Variants in GNPTG observed in about 807,000 individuals in gnomAD.
GNPTG encodes the protein N-acetylglucosamine-1-phosphotransferase subunit gamma.
Under a neutral mutation model 43.8 loss-of-function variants are expected in GNPTG, and 46 were observed. That is an observed-to-expected ratio of 1.05 (90% confidence interval 0.83 to 1.34). The LOEUF is 1.34. GNPTG is among the 40% of genes most tolerant of loss of function. The probability of loss-of-function intolerance (pLI) is 0.00; values close to 1 mark genes in which losing one functional copy is unlikely to be tolerated. For missense variants in GNPTG, 549 were observed against 411.3 expected (o/e 1.33, Z -2.90); for synonymous variants, 250 against 172.8 (o/e 1.45, Z -3.50).
In GNPTG at chr16:1,362,310, C is replaced by A. The variant is rs377440797; in HGVS notation, c.516C>A (p.His172Gln). 2 of 1,613,058 alleles carry A rather than the reference C, an allele frequency of 1.2e-6. No individual in the cohort carries two copies. Among genetic ancestry groups the A allele is most frequent in the East Asian group, 4.5e-5 (2 of 44,886 alleles). ...AGACCCCCCTCGTCTGCCACCCCCA[C>A]GCCTTGCTAGGTAGGGGTGCGGGAC... ...TFETPLVCHPHALLVYPTLPE... is the reference protein window; with the variant it reads ...TFETPLVCHPQALLVYPTLPE... The change falls in exon 7 of 11, where the codon CAC becomes CAA. Residue 172 changes from histidine (H) to glutamine (Q), a missense_variant. Transcript: ENST00000204679.
At position 1,361,921 on chromosome 16, in the gene GNPTG, A is replaced by G; in HGVS notation, c.283A>G (p.Thr95Ala). 6.2e-7 allele frequency: 1 copy of G among 1,613,614 alleles called. No homozygotes were observed. The highest frequency in any genetic ancestry group is 8.5e-7 in the Non-Finnish European group (1 of 1,180,014). Residue 95 changes from threonine to alanine, a missense_variant, in exon 5 of 11, where the codon ACC becomes GCC. By Grantham distance (58) the Thr-to-Ala change is moderately conservative. Transcript: ENST00000204679. ...PFHNVTQHEQTFRWNAYSGIL... is the reference protein window; with the variant it reads ...PFHNVTQHEQAFRWNAYSGIL... ...CCACAACGTGACCCAGCACGAGCAG[A>G]CCTTCCGCTGGAACGCCTACAGTGG... is the stretch of plus-strand genomic sequence containing the variant.
At position 1,362,275 on chromosome 16, in the gene GNPTG, C is replaced by T. The variant is rs1435870730; in HGVS notation, c.481C>T (p.Leu161=). The change falls in exon 7 of 11, where the codon CTG becomes TTG. Residue 161 remains leucine, a synonymous_variant. Transcript: ENST00000204679. ...VSEPSTCVYA[L]TFETPLVCHP... ...CGAGCCGAGCACCTGCGTCTACGCG[C>T]TGACGTTCGAGACCCCCCTCGTCTG... is the stretch of plus-strand genomic sequence containing the variant. The T allele has an allele frequency of 6.2e-7, 1 of 1,613,484 alleles. No individual in the cohort carries two copies. Among genetic ancestry groups the T allele is most frequent in the African/African-American group, 1.3e-5 (1 of 75,074 alleles).
At chr16:1,353,906 A>G (rs1220714403) in intron 3 of GNPTG, among the ~76,000 whole-genome samples, 1 of 152,226 alleles carries the variant, frequency 6.6e-6, no homozygotes, top group African/African-American at 2.4e-5. Flanking sequence ...GGAGTGGCCA[A>G]AGGCCTTGAG....
At chr16:1,361,601 G>A (rs778385914) in intron 3 of GNPTG, 142 bp from the exon 4 acceptor site, 316 of 810,462 alleles carry the variant, frequency 3.9e-4, no homozygotes, top group Non-Finnish European at 5.9e-4. Context: ...CCAAGATCAT[G>A]CCACTGCACT....
intron 3 of GNPTG, 70 bp from the exon 4 acceptor site, chr16:1,361,673 C>T (rs2034881785): frequency 6.5e-7 from 1 of 1,541,686 alleles, no homozygotes; most frequent in Admixed American, 1.7e-5. Flanking sequence ...CCTTTGAAAA[C>T]AGACTCTGCC....
chr16:1,354,914 G>C (rs879901784), intron 3 of GNPTG, among the ~76,000 whole-genome samples: 1 of 151,916 alleles, frequency 6.6e-6, no homozygotes, highest in Non-Finnish European at 1.5e-5. Flanking sequence ...AGGGCCGGGC[G>C]TGGATTGTCT....
rs139136481 is a variant in GNPTG at position 1,356,973 on chromosome 16, G to C, written c.178+4667G>C. The stretch of plus-strand genomic sequence containing the variant: ...GGTGGCGGTCTGCGGGCAGGAGTCT[G>C]AGTGGCAGATGGGTGAGGGACACAT... On this transcript the variant is annotated intron_variant, in intron 3 of 10. Transcript: ENST00000204679. Among the ~76,000 whole-genome samples, 766 of 152,180 alleles carry C rather than the reference G, an allele frequency of 5.0e-3. 2 individuals are homozygous for C. The highest frequency in any genetic ancestry group is 0.014 in the Middle Eastern group (4 of 294).
chr16:1,359,316 GAGTGC>G (rs2034831252), intron 3 of GNPTG, among the ~76,000 whole-genome samples: 1 of 151,762 alleles, frequency 6.6e-6, no homozygotes, highest in Middle Eastern at 3.2e-3. Flanking sequence ...GCCCAGGCTG[GAGTGC>G]AGTAGCACGA....
chr16:1,357,246 AGGGCAGCCT>A (rs1393659612), intron 3 of GNPTG, among the ~76,000 whole-genome samples: 1 of 152,194 alleles, frequency 6.6e-6, no homozygotes, highest in African/African-American at 2.4e-5. Flanking sequence ...TCCCCTGAGC[AGGGCAGCCT>A]GGCCATCTTG....
In GNPTG at chr16:1,362,149, A is replaced by G. The variant is rs779795759; in HGVS notation, c.411+18A>G. The stretch of plus-strand genomic sequence containing the variant: ...AGAGCAAGGTGGGGCCTCAGACGGG[A>G]GCCCGGGAAGAGGGGCCCCAGTCTC... On this transcript the variant is annotated intron_variant, in intron 6 of 10. Transcript: ENST00000204679. The G allele has an allele frequency of 6.2e-7, 1 of 1,612,662 alleles. No homozygotes were observed. Among genetic ancestry groups the G allele is most frequent in the East Asian group, 2.2e-5 (1 of 44,826 alleles).
chr16:1,362,663 C>A lies in GNPTG; in HGVS notation c.662C>A (p.Thr221Asn). 2 of 1,614,062 alleles carry A rather than the reference C, an allele frequency of 1.2e-6. No homozygotes were observed. Among genetic ancestry groups the A allele is most frequent in the Non-Finnish European group, 1.7e-6 (2 of 1,180,006 alleles). Residue 221 changes from threonine to asparagine, a missense_variant, in exon 9 of 11, where the codon ACC becomes AAC. Coordinates refer to ENST00000204679, the MANE Select transcript of GNPTG (RefSeq NM_032520.5). ...TTTGAGGATGCTGGCTACTTAAAGA[C>A]CCCAGAAGAAAATGAACCCACCCAG... Reference protein sequence around the residue: ...TLFEDAGYLKTPEENEPTQLE... With the variant: ...TLFEDAGYLKNPEENEPTQLE...
At chr16:1,359,709 A>T (rs1364390904) in intron 3 of GNPTG, among the ~76,000 whole-genome samples, 1 of 152,126 alleles carries the variant, frequency 6.6e-6, no homozygotes, top group East Asian at 1.9e-4. Flanking sequence ...ACTCCCTATG[A>T]ACTTTAGGAT....
In GNPTG at chr16:1,354,592, A is replaced by AAAAAAAAAAAAAAC. The variant is rs2034740318; in HGVS notation, c.178+2299_178+2300insCAAAAAAAAAAAAA. 1.4e-5 allele frequency among the ~76,000 whole-genome samples: 2 copies of AAAAAAAAAAAAAAC among 144,492 alleles called. 1 individual carries two copies. The highest frequency in any genetic ancestry group is 3.0e-5 in the Non-Finnish European group (2 of 67,400). The allele number at this position is 144,492 out of a possible 152,430, so 94.8% of individuals were successfully genotyped here. A position where few individuals can be genotyped will look rare whatever the true frequency, so the allele number is the denominator to read the frequency against. ...CAGAGCAAGACTTCGTCTCAAAAAA[A>AAAAAAAAAAAAAAC]AAAAAAAAAAAAAAAAACCCATAAA... On this transcript the variant is annotated intron_variant, in intron 3 of 10. Coordinates refer to ENST00000204679, the MANE Select transcript of GNPTG (RefSeq NM_032520.5).
At position 1,361,796 on chromosome 16, in the gene GNPTG, A is replaced by G. The variant is rs1180401565; in HGVS notation, c.232A>G (p.Thr78Ala). The G allele has an allele frequency of 1.2e-6, 2 of 1,613,864 alleles. No homozygotes were observed. The highest frequency in any genetic ancestry group is 4.5e-5 in the East Asian group (2 of 44,882). The change falls in exon 4 of 11, where the codon ACG becomes GCG. Residue 78 changes from threonine (T) to alanine (A), a missense_variant and splice_region_variant. Coordinates refer to ENST00000204679, the MANE Select transcript of GNPTG (RefSeq NM_032520.5). ...CAAGTGCTTCAGCCTGGTGGAGTCC[A>G]CGTGAGTGCAGGGTGGGTGCGAGGG... ...SGKCFSLVES[T>A]YKYEFCPFHN...
At chr16:1,352,933 A>G (rs1263361510) in intron 3 of GNPTG, among the ~76,000 whole-genome samples, 1 of 150,980 alleles carries the variant, frequency 6.6e-6, no homozygotes, top group Non-Finnish European at 1.5e-5. Context: ...TAAACGCTGA[A>G]TGAGTATTAA....
chr16:1,351,955 G>A lies in GNPTG; in HGVS notation c.-11G>A, dbSNP rs986694444. On this transcript the variant is annotated 5_prime_UTR_variant, in exon 1 of 11. Transcript: ENST00000204679. ...CACTTCACGTGACCGCGCGGCGGCC[G>A]CTGCGGCGCGATGGCGGCGGGGCTG... 1,296 of 1,286,706 alleles carry A rather than the reference G, an allele frequency of 1.0e-3. 5 individuals are homozygous for A. The highest frequency in any genetic ancestry group is 1.2e-3 in the Non-Finnish European group (1,235 of 1,023,284). The allele number at this position is 1,286,706 out of a possible 1,614,324, so 79.7% of individuals were successfully genotyped here.
intron 3 of GNPTG, among the ~76,000 whole-genome samples, chr16:1,357,028 C>T (rs1056696890): frequency 6.6e-6 from 1 of 152,168 alleles, no homozygotes; most frequent in African/African-American, 2.4e-5. Context: ...CCAAAGGCTT[C>T]CCTATGTGCC....
chr16:1,353,240 G>A (rs1056466233), intron 3 of GNPTG, among the ~76,000 whole-genome samples: 1 of 152,186 alleles, frequency 6.6e-6, no homozygotes, highest in African/African-American at 2.4e-5. Context: ...GCCTCCAAAA[G>A]TGCTGGGATT....
chr16:1,352,133 G>A lies in GNPTG; in HGVS notation c.84G>A (p.Lys28=), dbSNP rs1355884113. The change falls in exon 2 of 11, where the codon AAG becomes AAA. Residue 28 remains lysine (K), a synonymous_variant. Coordinates refer to ENST00000204679, the MANE Select transcript of GNPTG (RefSeq NM_032520.5). ...CGCCGGCAGGTGCAGCGAAGATGAA[G>A]GTGGTGGAGGAGCCCAACGCGTTTG... ...GPAPAGAAKM[K]VVEEPNAFGV... 17 of 1,583,062 alleles carry A rather than the reference G, an allele frequency of 1.1e-5. No homozygotes were observed. The highest frequency in any genetic ancestry group is 1.4e-5 in the Non-Finnish European group (16 of 1,166,408).
Sources: allele counts gnomAD v4.1 joint callset (sites outside exome capture counted in the v4.1 genomes callset), GRCh38; gene constraint gnomAD v4.1.1; transcripts MANE v1.5; gene names NCBI Gene and HGNC (gene_info 2026-07-23, HGNC 2026-07-21).